FBN2: variants seen among roughly 807,000 people sequenced by gnomAD.
FBN2 encodes the protein fibrillin 2.
FBN2 carries 105 observed loss-of-function variants against 355.6 expected under a neutral mutation model. That is an observed-to-expected ratio of 0.30 (90% CI 0.25 to 0.35). The LOEUF (loss-of-function observed/expected upper bound fraction) is 0.35, where lower values mean the gene tolerates loss of function less well. Ranked by LOEUF, FBN2 falls within the 10% of genes least tolerant of loss-of-function variation. FBN2 has a pLI of 1.00. For missense variants in FBN2, 3,280 were observed against 3,758.7 expected (o/e 0.87, Z 3.33); for synonymous variants, 1,350 against 1,301.2 (o/e 1.04, Z -0.81).
At position 128,273,941 on chromosome 5, in the gene FBN2, G is replaced by A. The variant is rs2291628; in HGVS notation, c.7739C>T (p.Ser2580Leu). Residue 2580 changes from serine to leucine, a missense_variant, in exon 61 of 65, where the codon TCG (serine) becomes TTG (leucine). Ser to Leu is a moderately radical substitution (Grantham distance 145). Coordinates refer to ENST00000262464, the MANE Select transcript of FBN2 (RefSeq NM_001999.4). ...ACAGATTCCCTTTGCTCCACAAAGC[G>A]AAGGTTGAGACCCACATTCGTTGTT... ...IDNNECGSQPSLCGAKGICQN... is the reference protein window; with the variant it reads ...IDNNECGSQPLLCGAKGICQN... The A allele has an allele frequency of 0.075, 120,395 of 1,613,668 alleles. 4,830 individuals carry two copies. Among genetic ancestry groups the A allele is most frequent in the Middle Eastern group, 0.11 (668 of 6,062 alleles).
chr5:128,400,989 G>T (rs887786393), intron 8 of FBN2, among the ~76,000 whole-genome samples: 1 of 152,106 alleles, frequency 6.6e-6, no homozygotes, highest in Non-Finnish European at 1.5e-5. Flanking sequence ...GGTGGTTTCT[G>T]CTTTTGCTTC....
At chr5:128,506,811 A>T (rs1356511705) in intron 5 of FBN2, among the ~76,000 whole-genome samples, 1 of 152,050 alleles carries the variant, frequency 6.6e-6, no homozygotes, top group Non-Finnish European at 1.5e-5. Flanking sequence ...CTGTTTTGGG[A>T]ACAGATTTTG....
Position 128,289,642 on chromosome 5 carries a change from T to C in FBN2, c.6511+240A>G, listed in dbSNP as rs1749263035. Among the ~76,000 whole-genome samples, 3 of 152,220 alleles carry C rather than the reference T, an allele frequency of 2.0e-5. 1 individual carries two copies. In the South Asian group the frequency reaches 6.2e-4, roughly 32 times the overall value. On this transcript the variant is annotated intron_variant, in intron 51 of 64. Coordinates refer to ENST00000262464, the MANE Select transcript of FBN2 (RefSeq NM_001999.4). Reference sequence around the variant, plus strand: ...TAAAAAGATATGCCAGTACTGTGTATGTCTATTCAACACAGACTTGTAAAT... The same window carrying C: ...TAAAAAGATATGCCAGTACTGTGTACGTCTATTCAACACAGACTTGTAAAT...
At chr5:128,460,510 T>C (rs953663621) in intron 6 of FBN2, among the ~76,000 whole-genome samples, 1 of 152,172 alleles carries the variant, frequency 6.6e-6, no homozygotes, top group East Asian at 1.9e-4. Flanking sequence ...AAAAACATTT[T>C]AAATTTCATA....
chr5:128,474,042 T>G (rs1754945275), intron 5 of FBN2, among the ~76,000 whole-genome samples: 1 of 152,154 alleles, frequency 6.6e-6, no homozygotes, highest in Non-Finnish European at 1.5e-5. Flanking sequence ...TAACGATAAT[T>G]AGGTGCTGGC....
Position 128,357,298 on chromosome 5 carries a change from G to A in FBN2, c.2652C>T (p.Ser884=). The change falls in exon 20 of 65, where the codon AGC becomes AGT. Residue 884 remains serine (S), a synonymous_variant. Coordinates refer to ENST00000262464, the MANE Select transcript of FBN2 (RefSeq NM_001999.4). ...TACCAATACAGATCAATCCTGTGGA[G>A]CTGAGTTTGCTGCCGGGCGAACATT... ...NCECSPGSKL[S]STGLICIDSL... The A allele has an allele frequency of 1.9e-6, 3 of 1,613,990 alleles. No individual in the cohort carries two copies. The South Asian group carries it at 3.3e-5, about 18-fold the overall frequency.
At chr5:128,308,804 T>TA (rs1378221782) in intron 41 of FBN2, among the ~76,000 whole-genome samples, 4 of 152,156 alleles carry the variant, frequency 2.6e-5, no homozygotes, top group Non-Finnish European at 5.9e-5. Flanking sequence ...AATTCGCTCA[T>TA]AAAAAACACT....
intron 35 of FBN2, among the ~76,000 whole-genome samples, chr5:128,318,531 G>A (rs1327193694): frequency 6.6e-6 from 1 of 151,408 alleles, no homozygotes; most frequent in East Asian, 1.9e-4. Context: ...CTCTGAGGAC[G>A]AAAAAATTAT....
chr5:128,272,428 AATTAACTGCAAATGGTATG>A, intron 61 of FBN2, among the ~76,000 whole-genome samples: 1 of 148,522 alleles, frequency 6.7e-6, no homozygotes, highest in East Asian at 2.0e-4. Flanking sequence ...ATTTTGAACT[AATTAACTGCAAATGGTATG>A]ATTTATTTGG....
At chr5:128,446,724 G>A (rs770792752) in intron 6 of FBN2, 118 bp from the exon 7 acceptor site, 34 of 1,083,270 alleles carry the variant, frequency 3.1e-5, no homozygotes, top group Non-Finnish European at 4.3e-5. Flanking sequence ...TTTCTCAAGA[G>A]AGTGGGGTTA....
Position 128,328,781 on chromosome 5 carries a change from G to A in FBN2, c.4386C>T (p.Asn1462=), listed in dbSNP as rs760886370. 18 of 1,614,098 alleles carry A rather than the reference G, an allele frequency of 1.1e-5. No individual in the cohort carries two copies. Among genetic ancestry groups the A allele is most frequent in the South Asian group, 3.3e-5 (3 of 91,086 alleles). The change falls in exon 34 of 65, where the codon AAC becomes AAT. Residue 1462 remains asparagine (N), a synonymous_variant. Coordinates refer to ENST00000262464, the MANE Select transcript of FBN2 (RefSeq NM_001999.4). The stretch of plus-strand genomic sequence containing the variant: ...CACCCGGGACATTAAGGCACTGTCC[G>A]TTCTCACAGAGGTTTATGTTTTCTG... The part of the protein sequence containing the change: ...ECAENINLCE[N]GQCLNVPGAY...
intron 6 of FBN2, among the ~76,000 whole-genome samples, chr5:128,459,314 C>T (rs1394938726): frequency 6.6e-6 from 1 of 152,012 alleles, no homozygotes; most frequent in Admixed American, 6.6e-5. Context: ...AATTAATAGC[C>T]TACCAACCAA....
intron 7 of FBN2, among the ~76,000 whole-genome samples, chr5:128,417,129 T>C (rs1199270441): frequency 6.6e-6 from 1 of 152,158 alleles, no homozygotes; most frequent in Non-Finnish European, 1.5e-5. Flanking sequence ...TAAATAGAAT[T>C]GCCTTTTGAG....
At chr5:128,455,335 A>G (rs1434927807) in intron 6 of FBN2, among the ~76,000 whole-genome samples, 2 of 152,194 alleles carry the variant, frequency 1.3e-5, no homozygotes, top group Non-Finnish European at 2.9e-5. Flanking sequence ...TGTATAATAA[A>G]ATGGAAGAAA....
chr5:128,303,593 A>G (rs1318152447), intron 45 of FBN2, among the ~76,000 whole-genome samples: 16 of 152,190 alleles, frequency 1.1e-4, no homozygotes, highest in Admixed American at 1.0e-3. Context: ...AAAAAAACTG[A>G]ATTAAGAAAA....
chr5:128,315,922 A>G (rs1750188657), intron 36 of FBN2, among the ~76,000 whole-genome samples: 1 of 152,210 alleles, frequency 6.6e-6, no homozygotes, highest in South Asian at 2.1e-4. Flanking sequence ...GAAGACACGT[A>G]GTCTGGGATT....
In FBN2 at chr5:128,318,919, A is replaced by G. The variant is rs767204422; in HGVS notation, c.4554T>C (p.Asp1518=). Residue 1518 remains aspartate, a synonymous_variant, in exon 35 of 65, where the codon GAT becomes GAC. Transcript: ENST00000262464. ...CTGTTCTGTCCAATTCATAACCATC[A>G]TCGCAGATGCAATGAAACATTCCAG... The part of the protein sequence containing the change: ...NLPGMFHCIC[D]DGYELDRTGG... The G allele has an allele frequency of 1.2e-6, 2 of 1,613,394 alleles. No homozygotes were observed. Among genetic ancestry groups the G allele is most frequent in the Non-Finnish European group, 1.7e-6 (2 of 1,179,482 alleles).
intron 19 of FBN2, 47 bp downstream of exon 19, chr5:128,361,676 T>C (rs777631258): frequency 6.2e-7 from 1 of 1,608,140 alleles, no homozygotes; most frequent in Non-Finnish European, 8.5e-7. Context: ...TTTATACAAC[T>C]CCAGGTACTC....
intron 4 of FBN2, among the ~76,000 whole-genome samples, 175 bp from the exon 5 acceptor site, chr5:128,519,543 T>TA (rs1756374094): frequency 6.6e-6 from 1 of 152,086 alleles, no homozygotes; most frequent in Non-Finnish European, 1.5e-5. Flanking sequence ...TTTAAGTAAA[T>TA]ATATTTAAGT....
Sources: gnomAD v4.1 joint callset for allele counts (sites outside exome capture counted in the v4.1 genomes callset) on GRCh38, gnomAD v4.1.1 for gene constraint, MANE v1.5 for transcripts, NCBI Gene and HGNC (gene_info 2026-07-23, HGNC 2026-07-21) for gene names.